PGR: variants seen among roughly 807,000 people sequenced by gnomAD.
PGR encodes progesterone receptor.
PGR carries 25 observed loss-of-function variants against 76.1 expected under a neutral mutation model. That is an observed-to-expected ratio of 0.33 (90% CI 0.24 to 0.46). PGR has a LOEUF of 0.46. Among genes scored for constraint, PGR ranks in the 20% least tolerant of loss-of-function variants. The pLI is 1.00. For missense variants in PGR, 1,172 were observed against 1,225.3 expected (o/e 0.96, Z 0.65); for synonymous variants, 579 against 535.0 (o/e 1.08, Z -1.14).
chr11:101,079,591 G>A (rs976558541), intron 3 of PGR, among the ~76,000 whole-genome samples: 1 of 152,070 alleles, frequency 6.6e-6, no homozygotes, highest in Non-Finnish European at 1.5e-5. Context: ...TAAAATGGCT[G>A]TTACTAAAAA....
intron 4 of PGR, among the ~76,000 whole-genome samples, chr11:101,056,516 G>C (rs926303296): frequency 3.3e-5 from 5 of 150,532 alleles, no homozygotes; most frequent in African/African-American, 1.2e-4. Flanking sequence ...GTAGTGCTGG[G>C]GAGGCTGAAG....
Position 101,128,196 on chromosome 11 carries a change from C to T in PGR, c.875G>A (p.Gly292Glu). 6.3e-7 allele frequency: 1 copy of T among 1,598,410 alleles called. No individual in the cohort carries two copies. Among genetic ancestry groups the T allele is most frequent in the Non-Finnish European group, 8.5e-7 (1 of 1,179,602 alleles). The change falls in exon 1 of 8, where the codon GGG (glycine) becomes GAG (glutamate). Residue 292 changes from glycine to glutamate, a missense_variant. Physicochemically the swap from Gly to Glu is moderately conservative, Grantham distance 98. Transcript: ENST00000325455. ...LVEQDAPMAP[G>E]RSPLATTVMD... Reference sequence around the variant, plus strand: ...CACCGTGGTGGCCAGCGGGGAGCGCCCGGGCGCCATCGGCGCGTCCTGCTC... The same window carrying T: ...CACCGTGGTGGCCAGCGGGGAGCGCTCGGGCGCCATCGGCGCGTCCTGCTC...
At position 101,112,545 on chromosome 11, in the gene PGR, C is replaced by T. The variant is rs1018512245; in HGVS notation, c.1789+13462G>A. On this transcript the variant is annotated intron_variant, in intron 2 of 7. Coordinates refer to ENST00000325455, the MANE Select transcript of PGR (RefSeq NM_000926.4). Reference sequence around the variant, plus strand: ...GTAGCAATTTCAGAAAGTTTTTTTCCGAAAATTAGGAAGCAAGGCTGTTAG... The same window carrying T: ...GTAGCAATTTCAGAAAGTTTTTTTCTGAAAATTAGGAAGCAAGGCTGTTAG... 2.6e-5 allele frequency among the ~76,000 whole-genome samples: 4 copies of T among 151,792 alleles called. No individual in the cohort carries two copies. The East Asian group carries it at 5.8e-4, about 22-fold the overall frequency.
chr11:101,043,263 C>T (rs541333894), intron 6 of PGR, among the ~76,000 whole-genome samples: 30 of 152,274 alleles, frequency 2.0e-4, no homozygotes, highest in African/African-American at 6.7e-4. Flanking sequence ...AAGTAGATTC[C>T]AACTCAAGAA....
At chr11:101,081,333 G>C (rs1445908361) in intron 3 of PGR, among the ~76,000 whole-genome samples, 1 of 152,028 alleles carries the variant, frequency 6.6e-6, no homozygotes, top group Non-Finnish European at 1.5e-5. Flanking sequence ...GGAGGTTGAG[G>C]CAGGAGAATC....
chr11:101,127,543 C>T lies in PGR; in HGVS notation c.1528G>A (p.Ala510Thr), dbSNP rs1041222691. The T allele has an allele frequency of 4.2e-6, 6 of 1,420,458 alleles. No homozygotes were observed. The highest frequency in any genetic ancestry group is 2.3e-4 in the Middle Eastern group (1 of 4,396). The allele number at this position is 1,420,458 out of a possible 1,614,324, so 88.0% of individuals were successfully genotyped here. A position where few individuals can be genotyped will look rare whatever the true frequency, so the allele number is the denominator to read the frequency against. The part of the protein sequence containing the change: ...ASAAAAGAAP[A>T]LYPALGLNGL... ...TTGAGGCCGAGTGCAGGGTAGAGCGCGGGGGCCGCCCCGGCGGCGGCGGCA... is the reference window on the plus strand; with the variant it reads ...TTGAGGCCGAGTGCAGGGTAGAGCGTGGGGGCCGCCCCGGCGGCGGCGGCA... Residue 510 changes from alanine (A) to threonine (T), a missense_variant, in exon 1 of 8, where the codon GCG (alanine) becomes ACG (threonine). By Grantham distance (58) the Ala-to-Thr change is moderately conservative. Around this residue, in one of 4 missense-constraint regions of PGR, gnomAD observed 893 missense variants for 785.9 expected, o/e 1.14. Coordinates refer to ENST00000325455, the MANE Select transcript of PGR (RefSeq NM_000926.4).
intron 3 of PGR, among the ~76,000 whole-genome samples, chr11:101,075,576 C>T (rs1424883870): frequency 7.1e-6 from 1 of 141,284 alleles, no homozygotes; most frequent in Non-Finnish European, 1.5e-5. Context: ...ATCCATCTAA[C>T]AAAGGACTAC....
chr11:101,119,609 G>A (rs1862612510), intron 2 of PGR, among the ~76,000 whole-genome samples: 2 of 152,058 alleles, frequency 1.3e-5, no homozygotes, highest in Non-Finnish European at 2.9e-5. Flanking sequence ...AGGGTTTCCT[G>A]TTATAAAGGA....
At chr11:101,089,725 G>C (rs1233156131) in intron 3 of PGR, among the ~76,000 whole-genome samples, 1 of 147,582 alleles carries the variant, frequency 6.8e-6, no homozygotes, top group Non-Finnish European at 1.5e-5. Flanking sequence ...GGGAGGGAGG[G>C]AGGGACGGAA....
intron 3 of PGR, among the ~76,000 whole-genome samples, chr11:101,090,430 C>T (rs915335189): frequency 6.6e-6 from 1 of 152,144 alleles, no homozygotes; most frequent in Non-Finnish European, 1.5e-5. Flanking sequence ...GCAAGCATGC[C>T]AAGGAGAAAA....
intron 3 of PGR, among the ~76,000 whole-genome samples, chr11:101,083,516 C>A (rs1009007864): frequency 6.6e-6 from 1 of 152,170 alleles, no homozygotes; most frequent in Non-Finnish European, 1.5e-5. Flanking sequence ...TCAATGCCAG[C>A]CTGTAAAAGC....
chr11:101,048,861 G>T (rs535339548), intron 6 of PGR, among the ~76,000 whole-genome samples: 7 of 151,192 alleles, frequency 4.6e-5, no homozygotes, highest in Non-Finnish European at 1.0e-4. Context: ...TTAACTTTTT[G>T]ACTCTTTTGT....
chr11:101,103,767 A>C (rs1862065842), intron 2 of PGR, among the ~76,000 whole-genome samples: 1 of 152,180 alleles, frequency 6.6e-6, no homozygotes, highest in South Asian at 2.1e-4. Context: ...AAAAATTTTA[A>C]AAAATTACCA....
Position 101,129,709 on chromosome 11 carries a change from T to TTA in PGR, c.-640_-639insTA, listed in dbSNP as rs1291738617. The TTA allele has an allele frequency of 2.2e-5, 4 of 180,794 alleles. No individual in the cohort carries two copies. The highest frequency in any genetic ancestry group is 4.7e-5 in the Non-Finnish European group (4 of 84,684). The allele number at this position is 180,794 out of a possible 1,614,324, so 11.2% of individuals were successfully genotyped here. A position where few individuals can be genotyped will look rare whatever the true frequency, so the allele number is the denominator to read the frequency against. On this transcript the variant is annotated 5_prime_UTR_variant, in exon 1 of 8. An upstream open reading frame in the 5' UTR gains an earlier in-frame stop. Transcript: ENST00000325455. ...GTGCGGGAGCACTAGCCGCCTCGGG[T>TTA]TGTAGATTTCACTCAAATGACAAGT...
intron 4 of PGR, among the ~76,000 whole-genome samples, chr11:101,058,712 G>A (rs990069568): frequency 6.6e-5 from 10 of 152,156 alleles, no homozygotes; most frequent in Admixed American, 5.2e-4. Context: ...TGTACAGGAT[G>A]AGGACAATTT....
chr11:101,040,967 T>G (rs895025923), intron 7 of PGR, among the ~76,000 whole-genome samples: 12 of 152,024 alleles, frequency 7.9e-5, no homozygotes, highest in Non-Finnish European at 1.6e-4. Flanking sequence ...TCCTTTCCAT[T>G]TCAGCCCTTT....
In PGR at chr11:101,034,990, C is replaced by A. The variant is rs754339780; in HGVS notation, c.*4126G>T. ...GATGTTCTTTTCATTAAAATGATTT[C>A]ATGACTTAGTGAAGTAAGGATAAGC... On this transcript the variant is annotated 3_prime_UTR_variant, in exon 8 of 8. Coordinates refer to ENST00000325455, the MANE Select transcript of PGR (RefSeq NM_000926.4). The A allele has an allele frequency of 5.1e-6, 1 of 196,020 alleles. No individual in the cohort carries two copies. The highest frequency in any genetic ancestry group is 1.9e-4 in the South Asian group (1 of 5,214). The allele number at this position is 196,020 out of a possible 1,614,324, so 12.1% of individuals were successfully genotyped here. A position where few individuals can be genotyped will look rare whatever the true frequency, so the allele number is the denominator to read the frequency against.
chr11:101,093,085 T>C (rs550107553), intron 2 of PGR, among the ~76,000 whole-genome samples: 75 of 152,302 alleles, frequency 4.9e-4, no homozygotes, highest in African/African-American at 1.6e-3. Context: ...ACCTCATGCA[T>C]TTCTGGAAAA....
chr11:101,039,112 A>T lies in PGR; in HGVS notation c.*4T>A, dbSNP rs1859609324. 1 of 1,608,358 alleles carries T rather than the reference A, an allele frequency of 6.2e-7. No homozygotes were observed. Among genetic ancestry groups the T allele is most frequent in the Non-Finnish European group, 8.5e-7 (1 of 1,175,374 alleles). ...TTTAATTCTTTAAAAGAAAAAGATG[A>T]CATTCACTTTTTATGAAAGAGAAGG... is the stretch of plus-strand genomic sequence containing the variant. On this transcript the variant is annotated 3_prime_UTR_variant, in exon 8 of 8. Transcript: ENST00000325455.
Sources: gnomAD v4.1 joint callset for allele counts (sites outside exome capture counted in the v4.1 genomes callset) on GRCh38, gnomAD v4.1.1 for gene constraint, gnomAD v4.1.1 regional missense constraint, MANE v1.5 for transcripts, NCBI Gene and HGNC (gene_info 2026-07-23, HGNC 2026-07-21) for gene names.